Variants in AGPAT3 observed in about 807,000 individuals in gnomAD.
AGPAT3 encodes the protein 1-acyl-sn-glycerol-3-phosphate acyltransferase gamma.
In AGPAT3, 5 loss-of-function variants were observed where a neutral mutation model predicts 47.3. The observed-to-expected ratio is 0.11, with a 90% CI of 0.06 to 0.22. The LOEUF (loss-of-function observed/expected upper bound fraction) is 0.22, where lower values mean the gene tolerates loss of function less well. Ranked by LOEUF, AGPAT3 falls within the 10% of genes least tolerant of loss-of-function variation. The pLI is 1.00. For synonymous variants in AGPAT3, 212 were observed against 208.3 expected (o/e 1.02, Z -0.15); for missense variants, 315 against 493.0 (o/e 0.64, Z 3.42).
rs1329866096 is a variant in AGPAT3 at position 43,939,249 on chromosome 21, C to T, written c.-48-20385C>T. Among the ~76,000 whole-genome samples, 2 of 152,090 alleles carry T rather than the reference C, an allele frequency of 1.3e-5. No homozygotes were observed. The highest frequency in any genetic ancestry group is 2.4e-5 in the African/African-American group (1 of 41,402). On this transcript the variant is annotated intron_variant, in intron 2 of 9. Coordinates refer to ENST00000291572, the MANE Select transcript of AGPAT3 (RefSeq NM_020132.5). This position sits in a 1 kb window ranked among gnomAD's most constrained non-coding sequence, Gnocchi z 4.4. The stretch of plus-strand genomic sequence containing the variant: ...CAGGGGGCGCTCCCTTAGGAACACC[C>T]CATCCCCGTCCCCGTGTGCTGTCGA...
At chr21:43,943,482 C>T (rs935197330) in intron 2 of AGPAT3, among the ~76,000 whole-genome samples, 5 of 152,242 alleles carry the variant, frequency 3.3e-5, no homozygotes, top group Admixed American at 1.3e-4. Flanking sequence ...AAGCCCTGCA[C>T]GCACAGTGGT....
rs759193689 is a variant in AGPAT3 at position 43,987,526 on chromosome 21, G to GA, written c.*5138dup. On this transcript the variant is annotated 3_prime_UTR_variant, in exon 10 of 10. Coordinates refer to ENST00000291572, the MANE Select transcript of AGPAT3 (RefSeq NM_020132.5). ...TTTTGTAAAAACATTCATCTGTGGA[G>GA]AAAACCAAGGAACCCCTTTCTCTTC... 6.6e-5 allele frequency among the ~76,000 whole-genome samples: 10 copies of GA among 152,194 alleles called. No individual in the cohort carries two copies. The highest frequency in any genetic ancestry group is 1.3e-4 in the Non-Finnish European group (9 of 68,030).
intron 1 of AGPAT3, among the ~76,000 whole-genome samples, chr21:43,879,228 T>C (rs2085800333): frequency 6.6e-6 from 1 of 151,650 alleles, no homozygotes; most frequent in African/African-American, 2.4e-5. Context: ...TGCGTGCCTG[T>C]AATCCCAGCT....
At chr21:43,887,439 G>A (rs2086005519) in intron 1 of AGPAT3, among the ~76,000 whole-genome samples, 1 of 152,200 alleles carries the variant, frequency 6.6e-6, no homozygotes, top group African/African-American at 2.4e-5. Flanking sequence ...CAGGGACTAA[G>A]GGTTAATTTT....
chr21:43,900,203 T>A (rs1421215872), intron 1 of AGPAT3, among the ~76,000 whole-genome samples: 2 of 152,172 alleles, frequency 1.3e-5, no homozygotes, highest in Non-Finnish European at 2.9e-5. Flanking sequence ...CAGTGTGTCT[T>A]GGAGAGGGAA....
rs2088438694 is a variant in AGPAT3 at position 43,955,977 on chromosome 21, C to T, written c.-48-3657C>T. On this transcript the variant is annotated intron_variant, in intron 2 of 9. Transcript: ENST00000291572. This position sits in a 1 kb window ranked among gnomAD's most constrained non-coding sequence, Gnocchi z 4.1. ...CAGCAGGTCTGCTGTGGAGCCCGGG[C>T]ATCTGCTTCTCGGAGCATCACAGCT... is the stretch of plus-strand genomic sequence containing the variant. 6.6e-6 allele frequency among the ~76,000 whole-genome samples: 1 copy of T among 151,962 alleles called. No individual in the cohort carries two copies. The highest frequency in any genetic ancestry group is 6.6e-5 in the Admixed American group (1 of 15,266).
At chr21:43,868,074 G>A (rs1057393009) in intron 1 of AGPAT3, among the ~76,000 whole-genome samples, 5 of 152,188 alleles carry the variant, frequency 3.3e-5, no homozygotes, top group Non-Finnish European at 5.9e-5. Flanking sequence ...TTTACAAGCG[G>A]CCATGTTTTG....
At chr21:43,929,922 A>G (rs2146268838) in intron 2 of AGPAT3, among the ~76,000 whole-genome samples, 1 of 152,332 alleles carries the variant, frequency 6.6e-6, no homozygotes, top group Admixed American at 6.5e-5. Flanking sequence ...ACAGTGTCTC[A>G]TTAACCTCAT....
chr21:43,958,675 TTTG>T (rs1481565391), intron 2 of AGPAT3, among the ~76,000 whole-genome samples: 1 of 149,102 alleles, frequency 6.7e-6, no homozygotes, highest in Non-Finnish European at 1.5e-5. Flanking sequence ...ATGTGTATGG[TTTG>T]TGGTGTGTGG....
chr21:43,904,904 A>G (rs2086452278), intron 2 of AGPAT3, among the ~76,000 whole-genome samples: 1 of 152,186 alleles, frequency 6.6e-6, no homozygotes, highest in Non-Finnish European at 1.5e-5. Context: ...TGTAACTCAC[A>G]GGCCCAGTTC....
intron 2 of AGPAT3, among the ~76,000 whole-genome samples, chr21:43,940,394 C>T (rs2087615387): frequency 6.6e-6 from 1 of 152,224 alleles, no homozygotes; most frequent in South Asian, 2.1e-4. Flanking sequence ...GTGCTCCCCT[C>T]CTCTTCCAGC....
chr21:43,917,672 C>A (rs985647762), intron 2 of AGPAT3, among the ~76,000 whole-genome samples: 11 of 152,042 alleles, frequency 7.2e-5, no homozygotes, highest in Non-Finnish European at 1.5e-4. Context: ...GGATGTGTGG[C>A]ACACAGGGGA....
rs182677171 is a variant in AGPAT3, at chr21:43,952,452, G to C, written c.-48-7182G>C. Among the ~76,000 whole-genome samples, 1 of 152,188 alleles carries C rather than the reference G, an allele frequency of 6.6e-6. No individual in the cohort carries two copies. The highest frequency in any genetic ancestry group is 6.5e-5 in the Admixed American group (1 of 15,288). On this transcript the variant is annotated intron_variant, in intron 2 of 9. Transcript: ENST00000291572. The surrounding 1 kb of genome is among the most constrained non-coding windows in gnomAD (Gnocchi z 5.6). ...AAAGGTGGCAGAATTGGGTGTGGGC[G>C]TGTGGGGCTGGGCTCTGATTGGCAA...
At chr21:43,897,434 C>T (rs557712767) in intron 1 of AGPAT3, among the ~76,000 whole-genome samples, 23 of 152,186 alleles carry the variant, frequency 1.5e-4, no homozygotes, top group African/African-American at 1.9e-4. Context: ...ACAAAACCGC[C>T]GTCATCATCA....
At chr21:43,877,690 C>T (rs113897811) in intron 1 of AGPAT3, among the ~76,000 whole-genome samples, 47,025 of 151,936 alleles carry the variant, frequency 0.31, 8,345 homozygotes, top group Non-Finnish European at 0.4. Context: ...GTGATCCGCC[C>T]GCCTTGGCTT....
rs1024377144 is a variant in AGPAT3, at chr21:43,932,872, A to G, written c.-48-26762A>G. ...ACCATGTTGGCCAGACTGGTCTCGA[A>G]CTCCTGACCTCAAGTGATCCACCCG... is the stretch of plus-strand genomic sequence containing the variant. On this transcript the variant is annotated intron_variant, in intron 2 of 9. Coordinates refer to ENST00000291572, the MANE Select transcript of AGPAT3 (RefSeq NM_020132.5). The surrounding 1 kb of genome is among the most constrained non-coding windows in gnomAD (Gnocchi z 5.2). Among the ~76,000 whole-genome samples, 2 of 151,944 alleles carry G rather than the reference A, an allele frequency of 1.3e-5. No individual in the cohort carries two copies. The highest frequency in any genetic ancestry group is 2.9e-5 in the Non-Finnish European group (2 of 67,980).
At chr21:43,893,446 A>T (rs927044876) in intron 1 of AGPAT3, among the ~76,000 whole-genome samples, 1 of 152,178 alleles carries the variant, frequency 6.6e-6, no homozygotes, top group Non-Finnish European at 1.5e-5. Context: ...TCATTTTCTT[A>T]TCATTTGTGT....
chr21:43,927,605 GA>G (rs1340586462), intron 2 of AGPAT3, among the ~76,000 whole-genome samples: 1 of 152,258 alleles, frequency 6.6e-6, no homozygotes, highest in Non-Finnish European at 1.5e-5. Context: ...CAGCTGATGG[GA>G]AACCTCCTTT....
intron 5 of AGPAT3, among the ~76,000 whole-genome samples, chr21:43,969,533 A>G (rs1052615501): frequency 6.6e-6 from 1 of 152,324 alleles, no homozygotes; most frequent in East Asian, 1.9e-4. Flanking sequence ...GGGAGGGGGC[A>G]GAGCAGGGTG....
Sources: allele counts gnomAD v4.1 joint callset (sites outside exome capture counted in the v4.1 genomes callset), GRCh38; gene constraint gnomAD v4.1.1; non-coding constraint Gnocchi (gnomAD v3.1); transcripts MANE v1.5; gene names NCBI Gene and HGNC (gene_info 2026-07-23, HGNC 2026-07-21).